The following PITPNM2 variants were observed in gnomAD, a reference collection of about 807,000 sequenced individuals.
PITPNM2 encodes the protein membrane-associated phosphatidylinositol transfer protein 2.
In PITPNM2, 35 loss-of-function variants were observed where a neutral mutation model predicts 132.2. The ratio of observed to expected loss-of-function variants is 0.26; its 90% CI spans 0.20 to 0.35. The LOEUF (loss-of-function observed/expected upper bound fraction) is 0.35. PITPNM2 is among the 10% of genes least tolerant of loss of function. The probability of loss-of-function intolerance (pLI) is 1.00; values close to 1 mark genes in which losing one functional copy is unlikely to be tolerated. For missense variants in PITPNM2, 1,332 were observed against 1,912.0 expected (o/e 0.70, Z 5.66); for synonymous variants, 738 against 799.2 (o/e 0.92, Z 1.29).
At chr12:123,128,260 T>G in intron 1 of PITPNM2, among the ~76,000 whole-genome samples, 1 of 63,156 alleles carries the variant, frequency 1.6e-5, no homozygotes, top group Non-Finnish European at 2.6e-5. Context: ...AAACCCCATC[T>G]CTACAAAAAA....
intron 1 of PITPNM2, among the ~76,000 whole-genome samples, chr12:123,120,180 A>G (rs1447808597): frequency 2.0e-5 from 3 of 152,188 alleles, no homozygotes; most frequent in Admixed American, 2.0e-4. Flanking sequence ...ACCCTCTAAG[A>G]TTTAAAATGC....
In PITPNM2 at chr12:122,997,510, C is replaced by G; in HGVS notation, c.1287G>C (p.Leu429=). Residue 429 remains leucine (L), a synonymous_variant, in exon 11 of 26, where the codon CTG becomes CTC. Coordinates refer to ENST00000320201, the MANE Select transcript of PITPNM2 (RefSeq NM_020845.3). Reference sequence around the variant, plus strand: ...CTGTGTCCAGGATGGTGCCTCCGTGCAGCACCAGTAGCAGCACGTGGATCT... The same window carrying G: ...CTGTGTCCAGGATGGTGCCTCCGTGGAGCACCAGTAGCAGCACGTGGATCT... ...PSKIHVLLLV[L]HGGTILDTGA... 1 of 1,613,394 alleles carries G rather than the reference C, an allele frequency of 6.2e-7. No individual in the cohort carries two copies. The highest frequency in any genetic ancestry group is 8.5e-7 in the Non-Finnish European group (1 of 1,179,946).
chr12:123,021,581 TCA>T (rs2039673135), intron 3 of PITPNM2: 2 of 818,934 alleles, frequency 2.4e-6, no homozygotes, highest in Non-Finnish European at 2.9e-6. Flanking sequence ...AGCCTGGGAA[TCA>T]CAGTTTCTAA....
upstream of PITPNM2, among the ~76,000 whole-genome samples, chr12:123,151,137 G>T (rs1371113289): frequency 2.0e-5 from 3 of 146,396 alleles, no homozygotes; most frequent in African/African-American, 7.4e-5. Context: ...TGGCGGCGGC[G>T]CCTCCTCAGG....
chr12:123,143,111 A>C (rs1408975556), intron 1 of PITPNM2, among the ~76,000 whole-genome samples: 3 of 149,612 alleles, frequency 2.0e-5, no homozygotes, highest in African/African-American at 4.9e-5. Context: ...TGACACACCC[A>C]TCCCTATCCC....
In PITPNM2 at chr12:123,034,502, C is replaced by T. The variant is rs1203978945; in HGVS notation, c.78+11G>A. ...CCTCACCCCATGACCCACCCTTGCC[C>T]CACGACCCACCTGTATCATGTACAG... On this transcript the variant is annotated intron_variant, in intron 3 of 25. Coordinates refer to ENST00000320201, the MANE Select transcript of PITPNM2 (RefSeq NM_020845.3). The T allele has an allele frequency of 1.9e-6, 3 of 1,613,754 alleles. No individual in the cohort carries two copies. Among genetic ancestry groups the T allele is most frequent in the South Asian group, 1.1e-5 (1 of 91,048 alleles).
intron 2 of PITPNM2, among the ~76,000 whole-genome samples, chr12:123,042,826 T>C (rs558478634): frequency 2.0e-5 from 3 of 152,024 alleles, no homozygotes; most frequent in Non-Finnish European, 2.9e-5. Flanking sequence ...TAACCATCTA[T>C]GTGTATCCAG....
intron 2 of PITPNM2, among the ~76,000 whole-genome samples, chr12:123,102,355 C>T (rs972970521): frequency 2.6e-5 from 4 of 152,202 alleles, no homozygotes; most frequent in Admixed American, 2.0e-4. Flanking sequence ...AAGGACATGC[C>T]CACCAGAGCA....
rs1028134501 is a variant in PITPNM2, at chr12:123,036,680, G to A, written c.-95-1995C>T. 6.6e-6 allele frequency among the ~76,000 whole-genome samples: 1 copy of A among 152,166 alleles called. No homozygotes were observed. Among genetic ancestry groups the A allele is most frequent in the East Asian group, 1.9e-4 (1 of 5,200 alleles). On this transcript the variant is annotated intron_variant, in intron 2 of 25. Transcript: ENST00000320201. This position sits in a 1 kb window ranked among gnomAD's most constrained non-coding sequence, Gnocchi z 4.1. ...TAACCCTGGATCCCAGACCCCAACT[G>A]CCCCTTGGAGGTCTCTGACCCAGAC... is the stretch of plus-strand genomic sequence containing the variant.
chr12:123,036,199 C>T lies in PITPNM2; in HGVS notation c.-95-1514G>A, dbSNP rs1193393033. Among the ~76,000 whole-genome samples the T allele has an allele frequency of 6.6e-6, 1 of 152,206 alleles. No individual in the cohort carries two copies. Among genetic ancestry groups the T allele is most frequent in the African/African-American group, 2.4e-5 (1 of 41,448 alleles). On this transcript the variant is annotated intron_variant, in intron 2 of 25. Coordinates refer to ENST00000320201, the MANE Select transcript of PITPNM2 (RefSeq NM_020845.3). This position sits in a 1 kb window ranked among gnomAD's most constrained non-coding sequence, Gnocchi z 4.1. ...GTATCACCCAGGTGCTAAAGCATTA[C>T]TGGGTAGCTAACAAGGTTGAGAAAA...
At chr12:123,128,556 A>G (rs1409387445) in intron 1 of PITPNM2, among the ~76,000 whole-genome samples, 2 of 151,522 alleles carry the variant, frequency 1.3e-5, no homozygotes, top group East Asian at 1.9e-4. Context: ...GATCGAGACC[A>G]TCTTGGCTAA....
In PITPNM2 at chr12:123,077,334, G is replaced by T. The variant is rs988552053; in HGVS notation, c.-96+33051C>A. 6.6e-6 allele frequency among the ~76,000 whole-genome samples: 1 copy of T among 152,152 alleles called. No homozygotes were observed. Among genetic ancestry groups the T allele is most frequent in the African/African-American group, 2.4e-5 (1 of 41,428 alleles). ...GAGAGGGACAAAACATTTCCTCACT[G>T]AACTCTCATTTTCAGATAATGAAGG... On this transcript the variant is annotated intron_variant, in intron 2 of 25. Coordinates refer to ENST00000320201, the MANE Select transcript of PITPNM2 (RefSeq NM_020845.3). This position sits in a 1 kb window ranked among gnomAD's most constrained non-coding sequence, Gnocchi z 4.8.
rs2039093664 is a variant in PITPNM2, at chr12:123,009,579, G to A, written c.643+271C>T. Among the ~76,000 whole-genome samples, 1 of 152,244 alleles carries A rather than the reference G, an allele frequency of 6.6e-6. No homozygotes were observed. The highest frequency in any genetic ancestry group is 2.4e-5 in the African/African-American group (1 of 41,472). On this transcript the variant is annotated intron_variant, in intron 6 of 25. Coordinates refer to ENST00000320201, the MANE Select transcript of PITPNM2 (RefSeq NM_020845.3). The surrounding 1 kb of genome is among the most constrained non-coding windows in gnomAD (Gnocchi z 4.8). Reference sequence around the variant, plus strand: ...ATCAAATGCGAACTAGGTCAGGAATGTCTGGGGGCAGTGCCTAGGGCTTCT... The same window carrying A: ...ATCAAATGCGAACTAGGTCAGGAATATCTGGGGGCAGTGCCTAGGGCTTCT...
In PITPNM2 at chr12:123,111,998, G is replaced by A. The variant is rs1037595674; in HGVS notation, c.-199-1510C>T. 2.6e-5 allele frequency among the ~76,000 whole-genome samples: 4 copies of A among 152,060 alleles called. 1 individual carries two copies. In the East Asian group the frequency reaches 5.8e-4, roughly 22 times the overall value. On this transcript the variant is annotated intron_variant, in intron 1 of 25. Transcript: ENST00000320201. This position sits in a 1 kb window ranked among gnomAD's most constrained non-coding sequence, Gnocchi z 4.1. ...GAGCCAGATTTGGTAGACCAGCCCCGCTCCAGCCCACCACAATGCTTCTCG... is the reference window on the plus strand; with the variant it reads ...GAGCCAGATTTGGTAGACCAGCCCCACTCCAGCCCACCACAATGCTTCTCG...
At chr12:123,110,004 C>T (rs2042802795) in intron 2 of PITPNM2, among the ~76,000 whole-genome samples, 1 of 152,194 alleles carries the variant, frequency 6.6e-6, no homozygotes, top group Non-Finnish European at 1.5e-5. Context: ...GTTACTCAGG[C>T]TGGAGTGAAG....
chr12:123,067,355 C>T (rs1253377388), intron 2 of PITPNM2, among the ~76,000 whole-genome samples: 2 of 152,096 alleles, frequency 1.3e-5, no homozygotes, highest in Non-Finnish European at 2.9e-5. Context: ...ACTCAGGAGG[C>T]TGAGGCAGGA....
At chr12:123,024,252 C>T (rs370055910) in intron 3 of PITPNM2, among the ~76,000 whole-genome samples, 29 of 152,214 alleles carry the variant, frequency 1.9e-4, no homozygotes, top group East Asian at 5.8e-4. Flanking sequence ...CTCACTGGGG[C>T]GGTTAAAAAG....
At position 122,996,767 on chromosome 12, in the gene PITPNM2, T is replaced by A; in HGVS notation, c.1616A>T (p.Tyr539Phe). 12 of 1,611,728 alleles carry A rather than the reference T, an allele frequency of 7.4e-6. No individual in the cohort carries two copies. Among genetic ancestry groups the A allele is most frequent in the Non-Finnish European group, 1.0e-5 (12 of 1,179,414 alleles). The change falls in exon 12 of 26, where the codon TAT (tyrosine) becomes TTT (phenylalanine). Residue 539 changes from tyrosine (Y) to phenylalanine (F), a missense_variant. Tyr to Phe is a conservative substitution (Grantham distance 22, BLOSUM62 3). This residue lies in a region of PITPNM2 where 710 missense variants were observed against 911.5 expected (regional missense o/e 0.78). Coordinates refer to ENST00000320201, the MANE Select transcript of PITPNM2 (RefSeq NM_020845.3). ...CTCCTGGGACTTGATGAAGTCCCCA[T>A]AGGCAAGGTTGGCTCGCTGAATCAC... is the stretch of plus-strand genomic sequence containing the variant. ...ATVIQRANLAYGDFIKSQEGM... is the reference protein window; with the variant it reads ...ATVIQRANLAFGDFIKSQEGM...
rs1289167746 is a variant in PITPNM2, at chr12:122,987,634, G to A, written c.3140C>T (p.Pro1047Leu). Reference protein sequence around the residue: ...EKVDVHIMTQPPSGEWLYLDT... With the variant: ...EKVDVHIMTQLPSGEWLYLDT... ...CAGGTAGAGCCACTCGCCTGAGGGCGGCTGGGTCATGATGTGCACATCCAC... is the reference window on the plus strand; with the variant it reads ...CAGGTAGAGCCACTCGCCTGAGGGCAGCTGGGTCATGATGTGCACATCCAC... The change falls in exon 22 of 26, where the codon CCG (proline) becomes CTG (leucine). Residue 1047 changes from proline to leucine, a missense_variant. Pro to Leu is a moderately conservative substitution (Grantham distance 98). Transcript: ENST00000320201. 4 of 1,613,572 alleles carry A rather than the reference G, an allele frequency of 2.5e-6. No homozygotes were observed. The highest frequency in any genetic ancestry group is 1.1e-5 in the South Asian group (1 of 91,052).
Sources: gnomAD v4.1 joint callset for allele counts (sites outside exome capture counted in the v4.1 genomes callset) on GRCh38, gnomAD v4.1.1 for gene constraint, gnomAD v4.1.1 regional missense constraint, Gnocchi (gnomAD v3.1) non-coding constraint, MANE v1.5 for transcripts, NCBI Gene and HGNC (gene_info 2026-07-23, HGNC 2026-07-21) for gene names.